The following MACF1 variants were observed in gnomAD, a reference collection of about 807,000 sequenced individuals.
MACF1 encodes microtubule actin crosslinking factor 1, also known as microtubule-actin cross-linking factor 1.
A neutral mutation model predicts 854.8 loss-of-function variants in MACF1; 193 were observed. The ratio of observed to expected loss-of-function variants is 0.23; its 90% CI spans 0.20 to 0.25. The LOEUF (loss-of-function observed/expected upper bound fraction) is 0.25. Among genes scored for constraint, MACF1 ranks in the 10% least tolerant of loss-of-function variants. The pLI is 1.00. For synonymous variants in MACF1, 3,185 were observed against 3,226.7 expected, an observed-to-expected ratio of 0.99 and a Z score of 0.44; for missense variants, 7,722 against 8,929.1, an observed-to-expected ratio of 0.86 and a Z score of 5.45.
Position 39,465,052 on chromosome 1 carries a change from T to A in MACF1, c.21754-43T>A, listed in dbSNP as rs760071139. The A allele has an allele frequency of 7.0e-6, 11 of 1,582,022 alleles. No homozygotes were observed. The African/African-American group carries it at 1.2e-4, about 17-fold the overall frequency. On this transcript the variant is annotated intron_variant, in intron 94 of 100. Coordinates refer to ENST00000564288, the MANE Select transcript of MACF1 (RefSeq NM_001394062.1). ...AATTTGACAAAATGTTCTCTTTTTT[T>A]TTCCCCTCCTTTCCTCCATCCTTTA...
chr1:39,334,150 C>T lies in MACF1; in HGVS notation c.7562C>T (p.Ala2521Val). 1 of 1,613,980 alleles carries T rather than the reference C, an allele frequency of 6.2e-7. No homozygotes were observed. Among genetic ancestry groups the T allele is most frequent in the Non-Finnish European group, 8.5e-7 (1 of 1,179,954 alleles). ...ISGMRLSVDNAFRHGLIGEDL... is the reference protein window; with the variant it reads ...ISGMRLSVDNVFRHGLIGEDL... ...GGGATGAGACTTTCTGTTGATAATG[C>T]CTTCAGACATGGCTTAATTGGTGAA... Residue 2521 changes from alanine (A) to valine (V), a missense_variant, in exon 37 of 101, where the codon GCC becomes GTC. Physicochemically the swap from Ala to Val is moderately conservative, Grantham distance 64. Transcript: ENST00000564288.
chr1:39,142,795 G>A (rs774821324), intron 2 of MACF1, among the ~76,000 whole-genome samples: 24 of 152,166 alleles, frequency 1.6e-4, no homozygotes, highest in South Asian at 4.1e-4. Context: ...TCACCACCTA[G>A]GAATGGCAGT....
rs781102545 is a variant in MACF1, at chr1:39,327,364, T to G, written c.4614+11T>G. 1.3e-6 allele frequency: 2 copies of G among 1,578,420 alleles called. No homozygotes were observed. Reference sequence around the variant, plus strand: ...CAGACAGAACAAAAGGTACTTTTAGTTTTCATCTCCAAATATTGGGTGGAT... The same window carrying G: ...CAGACAGAACAAAAGGTACTTTTAGGTTTCATCTCCAAATATTGGGTGGAT... On this transcript the variant is annotated intron_variant, in intron 36 of 100. Coordinates refer to ENST00000564288, the MANE Select transcript of MACF1 (RefSeq NM_001394062.1).
In MACF1 at chr1:39,441,285, A is replaced by G. The variant is rs929681931; in HGVS notation, c.18632A>G (p.Asp6211Gly). The stretch of plus-strand genomic sequence containing the variant: ...AAAGAGAGGCTAGAAAAACTTGAGG[A>G]TGCTATGCAAGCTGCTGTGCAGTAT... ...TWKERLEKLE[D>G]AMQAAVQYQD... The change falls in exon 74 of 101, where the codon GAT becomes GGT. Residue 6211 changes from aspartate (D) to glycine (G), a missense_variant. This residue lies in a region of MACF1 where 2,807 missense variants were observed against 3,235.8 expected (regional missense o/e 0.87). Transcript: ENST00000564288. 6.2e-7 allele frequency: 1 copy of G among 1,614,070 alleles called. No individual in the cohort carries two copies. Among genetic ancestry groups the G allele is most frequent in the African/African-American group, 1.3e-5 (1 of 74,938 alleles).
chr1:39,379,405 C>G lies in MACF1; in HGVS notation c.13479C>G (p.Thr4493=). ...CCATGGATGCCATGTCATCTCCAAC[C>G]AAGACAGAAACAGTGAAAGCCCAAG... ...LKSMDAMSSP[T]KTETVKAQAE... is the part of the protein sequence containing the mutation. The change falls in exon 54 of 101, where the codon ACC becomes ACG. Residue 4493 remains threonine, a synonymous_variant. Coordinates refer to ENST00000564288, the MANE Select transcript of MACF1 (RefSeq NM_001394062.1). 6.2e-7 allele frequency: 1 copy of G among 1,613,986 alleles called. No individual in the cohort carries two copies. Among genetic ancestry groups the G allele is most frequent in the Admixed American group, 1.7e-5 (1 of 59,994 alleles).
chr1:39,347,269 G>A (rs1569619169), intron 41 of MACF1, 59 bp downstream of exon 41: 11 of 1,300,924 alleles, frequency 8.5e-6, no homozygotes, highest in South Asian at 1.2e-5. Context: ...CTGTCATTGG[G>A]TTTTCTGGCC....
intron 93 of MACF1, among the ~76,000 whole-genome samples, chr1:39,462,913 G>C (rs530288015): frequency 3.9e-5 from 6 of 152,176 alleles, no homozygotes; most frequent in Admixed American, 3.3e-4. Flanking sequence ...AGTGGCCCTG[G>C]AACACACCAG....
chr1:39,285,722 A>G lies in MACF1; in HGVS notation c.1472A>G (p.Asp491Gly), dbSNP rs1256293254. 1 of 1,614,088 alleles carries G rather than the reference A, an allele frequency of 6.2e-7. No homozygotes were observed. The highest frequency in any genetic ancestry group is 8.5e-7 in the Non-Finnish European group (1 of 1,180,014). Residue 491 changes from aspartate (D) to glycine (G), a missense_variant, in exon 14 of 101, where the codon GAT becomes GGT. Around this residue, in one of 15 missense-constraint regions of MACF1, gnomAD observed 1,137 missense variants for 1,263.0 expected, o/e 0.90. Transcript: ENST00000564288. ...CAGGTGGATCTCCAGATCCTGCGGG[A>G]TGAGAATTACTACCAGCTAGAAGAG... ...QLQVDLQILR[D>G]ENYYQLEELA...
intron 89 of MACF1, among the ~76,000 whole-genome samples, chr1:39,455,668 C>T (rs1170184766): frequency 6.6e-6 from 1 of 152,164 alleles, no homozygotes; most frequent in African/African-American, 2.4e-5. Flanking sequence ...AGAAGTCTGC[C>T]TGCCACAGCC....
chr1:39,425,779 A>G (rs1055488148), intron 61 of MACF1, among the ~76,000 whole-genome samples: 2 of 152,162 alleles, frequency 1.3e-5, no homozygotes, highest in South Asian at 2.1e-4. Flanking sequence ...CTTCACTGCC[A>G]TAACTCTTTA....
At chr1:39,282,167 C>T in intron 6 of MACF1, 41 bp from the exon 7 acceptor site, 2 of 1,598,014 alleles carry the variant, frequency 1.3e-6, no homozygotes, top group Non-Finnish European at 1.7e-6. Flanking sequence ...AAGACTTTGT[C>T]TTATTTATAA....
At chr1:39,308,759 G>A (rs755122563) in intron 23 of MACF1, among the ~76,000 whole-genome samples, 2 of 151,836 alleles carry the variant, frequency 1.3e-5, no homozygotes, top group Admixed American at 1.3e-4. Context: ...GGGTTCAAGC[G>A]ATTCTCCTGC....
Position 39,393,875 on chromosome 1 carries a change from GAGAA to G in MACF1, c.15816+5223_15816+5226del, listed in dbSNP as rs1321321996. Among the ~76,000 whole-genome samples, 22 of 142,004 alleles carry G rather than the reference GAGAA, an allele frequency of 1.5e-4. 1 individual carries two copies. In the South Asian group the frequency reaches 3.9e-3, roughly 25 times the overall value. The allele number at this position is 142,004 out of a possible 152,430, so 93.2% of individuals were successfully genotyped here. Reference sequence around the variant, plus strand: ...AGAGAGAGAGAGAGAGAAAGAAAGAGAGAAAGAAAAGAAAGGAAGGAAGGAAAGA... The same window carrying G: ...AGAGAGAGAGAGAGAGAAAGAAAGAGAGAAAAGAAAGGAAGGAAGGAAAGA... On this transcript the variant is annotated intron_variant, in intron 58 of 100. Transcript: ENST00000564288.
At chr1:39,230,861 G>A (rs1644769623) in intron 1 of MACF1, among the ~76,000 whole-genome samples, 4 of 152,166 alleles carry the variant, frequency 2.6e-5, no homozygotes, top group Admixed American at 2.6e-4. Flanking sequence ...TGGTATCACG[G>A]CTTTGGCTTT....
chr1:39,282,782 G>A (rs185751057), intron 7 of MACF1, among the ~76,000 whole-genome samples: 2 of 152,246 alleles, frequency 1.3e-5, no homozygotes, highest in East Asian at 1.9e-4. Flanking sequence ...TGTTCCAGTC[G>A]GAAGAAATAC....
At chr1:39,435,783 A>T in intron 70 of MACF1, 22 bp downstream of exon 70, 1 of 1,607,404 alleles carries the variant, frequency 6.2e-7, no homozygotes, top group South Asian at 1.1e-5. Flanking sequence ...TCTGACACTC[A>T]TAACCTTGAA....
At position 39,434,661 on chromosome 1, in the gene MACF1, T is replaced by G. The variant is rs751713757; in HGVS notation, c.17784+29T>G. 21 of 1,583,080 alleles carry G rather than the reference T, an allele frequency of 1.3e-5. No individual in the cohort carries two copies. The South Asian group carries it at 2.3e-4, about 18-fold the overall frequency. On this transcript the variant is annotated intron_variant, in intron 69 of 100. Transcript: ENST00000564288. The stretch of plus-strand genomic sequence containing the variant: ...AGGAGCATGCCAAGTTTCATTTTAT[T>G]GTTCTAAAATGGTCTCTATAATTTA...
chr1:39,361,686 A>G lies in MACF1; in HGVS notation c.12771+9A>G, dbSNP rs776211190. On this transcript the variant is annotated intron_variant, in intron 49 of 100. Coordinates refer to ENST00000564288, the MANE Select transcript of MACF1 (RefSeq NM_001394062.1). The stretch of plus-strand genomic sequence containing the variant: ...TCTTCCAACAGATCCAGGTGAGGAT[A>G]TATCTGCCATGTTAGCAGAATAAAG... 4 of 1,613,028 alleles carry G rather than the reference A, an allele frequency of 2.5e-6. No individual in the cohort carries two copies. Among genetic ancestry groups the G allele is most frequent in the Non-Finnish European group, 3.4e-6 (4 of 1,179,214 alleles).
chr1:39,292,935 GCCC>G (rs1645825306), intron 17 of MACF1, 92 bp downstream of exon 17: 11 of 1,093,982 alleles, frequency 1.0e-5, no homozygotes, highest in Admixed American at 8.1e-5. Context: ...TCCTGGTTTG[GCCC>G]TGTTTTGGTT....
Sources: allele counts gnomAD v4.1 joint callset (sites outside exome capture counted in the v4.1 genomes callset), GRCh38; gene constraint gnomAD v4.1.1; regional missense constraint gnomAD v4.1.1; transcripts MANE v1.5; gene names NCBI Gene and HGNC (gene_info 2026-07-23, HGNC 2026-07-21).